ADAM12: variants seen among roughly 807,000 people sequenced by gnomAD.
ADAM12 encodes disintegrin and metalloproteinase domain-containing protein 12.
ADAM12 carries 70 observed loss-of-function variants against 106.4 expected under a neutral mutation model. That is an observed-to-expected ratio of 0.66 (90% CI 0.54 to 0.80). ADAM12 has a LOEUF of 0.80. Among genes scored for constraint, ADAM12 ranks in the 30% least tolerant of loss-of-function variants. The probability of loss-of-function intolerance (pLI) is 0.00; values close to 1 mark genes in which losing one functional copy is unlikely to be tolerated. For missense variants in ADAM12, 1,010 were observed against 1,171.9 expected (o/e 0.86, Z 2.02); for synonymous variants, 420 against 433.5 (o/e 0.97, Z 0.39).
At chr10:126,205,251 C>G (rs1396341059) in intron 3 of ADAM12, among the ~76,000 whole-genome samples, 1 of 151,684 alleles carries the variant, frequency 6.6e-6, no homozygotes, top group Admixed American at 6.6e-5. Context: ...TTATGTGGCA[C>G]AAAACCTCTT....
At chr10:126,304,248 A>G (rs1197315534) in intron 2 of ADAM12, among the ~76,000 whole-genome samples, 2 of 147,730 alleles carry the variant, frequency 1.4e-5, no homozygotes, top group Non-Finnish European at 3.0e-5. Context: ...GAAAACTAGA[A>G]TACTGATTTT....
intron 1 of ADAM12, among the ~76,000 whole-genome samples, chr10:126,368,364 T>G (rs1391065459): frequency 2.6e-5 from 4 of 151,124 alleles, no homozygotes; most frequent in African/African-American, 9.7e-5. Flanking sequence ...TTGTTTTTTT[T>G]TTTTTTTTTT....
intron 8 of ADAM12, among the ~76,000 whole-genome samples, chr10:126,106,605 C>T (rs1004422707): frequency 6.6e-6 from 1 of 151,754 alleles, no homozygotes; most frequent in Non-Finnish European, 1.5e-5. Context: ...CCTGCCTCAG[C>T]CTCCCGAGTA....
chr10:126,317,408 A>G (rs1291697450), intron 2 of ADAM12, among the ~76,000 whole-genome samples: 1 of 152,132 alleles, frequency 6.6e-6, no homozygotes, highest in African/African-American at 2.4e-5. Context: ...CAAAAAGAAG[A>G]CCCTTAGTAC....
intron 2 of ADAM12, among the ~76,000 whole-genome samples, chr10:126,320,519 C>A (rs1854059203): frequency 6.6e-6 from 1 of 152,220 alleles, no homozygotes; most frequent in Non-Finnish European, 1.5e-5. Flanking sequence ...AAAACATCTT[C>A]ATCACTATCA....
At chr10:126,330,792 T>C (rs940609599) in intron 1 of ADAM12, among the ~76,000 whole-genome samples, 7 of 152,242 alleles carry the variant, frequency 4.6e-5, no homozygotes, top group East Asian at 1.9e-4. Flanking sequence ...TATAATTCAG[T>C]CCTTCAACAA....
chr10:126,059,104 A>G (rs1473216791), intron 14 of ADAM12, among the ~76,000 whole-genome samples: 1 of 152,202 alleles, frequency 6.6e-6, no homozygotes, highest in African/African-American at 2.4e-5. Flanking sequence ...TTTAATTACC[A>G]GTTTTATCTT....
chr10:126,205,545 T>C (rs1957779739), intron 3 of ADAM12, among the ~76,000 whole-genome samples: 1 of 152,238 alleles, frequency 6.6e-6, no homozygotes, highest in Non-Finnish European at 1.5e-5. Flanking sequence ...CAGCTCAGGA[T>C]CTGTATATTT....
At chr10:126,250,723 T>C (rs1249131985) in intron 3 of ADAM12, among the ~76,000 whole-genome samples, 1 of 152,146 alleles carries the variant, frequency 6.6e-6, no homozygotes, top group Admixed American at 6.5e-5. Flanking sequence ...ACAGGGAAAA[T>C]CTCTGTCCAC....
intron 1 of ADAM12, among the ~76,000 whole-genome samples, chr10:126,369,408 C>CA (rs1364116360): frequency 2.0e-5 from 3 of 152,166 alleles, no homozygotes; most frequent in African/African-American, 7.2e-5. Context: ...AGTGCTCTGA[C>CA]AGAGACATAG....
intron 3 of ADAM12, among the ~76,000 whole-genome samples, chr10:126,236,829 C>T (rs1457920998): frequency 6.6e-6 from 1 of 152,132 alleles, no homozygotes; most frequent in African/African-American, 2.4e-5. Context: ...ATGGAGAAAC[C>T]CCTGGGGACA....
intron 1 of ADAM12, among the ~76,000 whole-genome samples, chr10:126,350,667 C>T (rs1280862717): frequency 2.0e-5 from 3 of 152,252 alleles, no homozygotes; most frequent in Non-Finnish European, 2.9e-5. Flanking sequence ...TTGCCAGGCA[C>T]TTGACAGATT....
chr10:126,236,684 G>A lies in ADAM12; in HGVS notation c.260+42231C>T, dbSNP rs1182376577. On this transcript the variant is annotated intron_variant, in intron 3 of 22. Transcript: ENST00000448723. The stretch of plus-strand genomic sequence containing the variant: ...GGAGCACTCATAGGAAGGAGCACCT[G>A]TAGGAAAGAGCACTCACAGGAAGGA... Among the ~76,000 whole-genome samples, 5 of 151,176 alleles carry A rather than the reference G, an allele frequency of 3.3e-5. No individual in the cohort carries two copies. In the East Asian group the frequency reaches 9.7e-4, roughly 29 times the overall value.
intron 8 of ADAM12, among the ~76,000 whole-genome samples, chr10:126,106,153 T>G (rs1955762696): frequency 6.6e-6 from 1 of 152,048 alleles, no homozygotes; most frequent in Admixed American, 6.6e-5. Context: ...AGCCTCTGCT[T>G]GGTCATCATG....
intron 6 of ADAM12, among the ~76,000 whole-genome samples, chr10:126,113,585 G>A (rs1287322332): frequency 1.4e-5 from 2 of 141,252 alleles, no homozygotes; most frequent in African/African-American, 5.5e-5. Context: ...ACTTGAACCT[G>A]GGAGGTGGAG....
intron 3 of ADAM12, among the ~76,000 whole-genome samples, chr10:126,184,772 T>C (rs902432067): frequency 7.2e-5 from 11 of 152,148 alleles, no homozygotes; most frequent in Non-Finnish European, 1.5e-5. Context: ...CAGCAGAACA[T>C]ACACAAGATC....
chr10:126,334,845 GACAT>G (rs1213632547), intron 1 of ADAM12, among the ~76,000 whole-genome samples: 2 of 152,164 alleles, frequency 1.3e-5, no homozygotes, highest in African/African-American at 4.8e-5. Flanking sequence ...GCAGCTCTAA[GACAT>G]ACACAGTGAA....
At chr10:126,106,866 AT>A (rs1955781319) in intron 8 of ADAM12, among the ~76,000 whole-genome samples, 1 of 152,146 alleles carries the variant, frequency 6.6e-6, no homozygotes, top group Non-Finnish European at 1.5e-5. Context: ...AACTGCAGGA[AT>A]ATTTTTCTAC....
chr10:126,179,087 C>CCACTCAAG (rs905829456), intron 3 of ADAM12, among the ~76,000 whole-genome samples: 1 of 151,904 alleles, frequency 6.6e-6, no homozygotes, highest in African/African-American at 2.4e-5. Context: ...AAGAAAATAT[C>CCACTCAAG]CACTCAAGCA....
Sources: allele counts gnomAD v4.1 joint callset (sites outside exome capture counted in the v4.1 genomes callset), GRCh38; gene constraint gnomAD v4.1.1; transcripts MANE v1.5; gene names NCBI Gene and HGNC (gene_info 2026-07-23, HGNC 2026-07-21).